C12orf54: variants seen among roughly 807,000 people sequenced by gnomAD.
The protein encoded by C12orf54 is uncharacterized protein C12orf54.
C12orf54 carries 24 observed loss-of-function variants against 26.4 expected under a neutral mutation model. The observed-to-expected ratio is 0.91, with a 90% CI of 0.66 to 1.28. C12orf54 has a LOEUF of 1.28. Among genes scored for constraint, C12orf54 ranks in the 50% most tolerant of loss-of-function variants. The pLI, the probability that C12orf54 is intolerant of heterozygous loss-of-function variation, is 0.00. For missense variants in C12orf54, 154 were observed against 150.9 expected, an observed-to-expected ratio of 1.02 and a Z score of -0.11; for synonymous variants, 54 against 47.0, an observed-to-expected ratio of 1.15 and a Z score of -0.61.
chr12:48,489,737 T>C (rs1290332848), intron 5 of C12orf54, among the ~76,000 whole-genome samples: 1 of 151,326 alleles, frequency 6.6e-6, no homozygotes, highest in East Asian at 1.9e-4. Context: ...TTTTTTTTTT[T>C]TTTTGAGACA....
the C12orf54 span, among the ~76,000 whole-genome samples, chr12:48,466,643 C>A: frequency 2.0e-5 from 3 of 151,786 alleles, no homozygotes; most frequent in Admixed American, 6.6e-5. Context: ...ACACTACACA[C>A]CTATTAGGAT....
the C12orf54 span, among the ~76,000 whole-genome samples, chr12:48,457,850 A>T: frequency 6.6e-6 from 1 of 152,162 alleles, no homozygotes; most frequent in Non-Finnish European, 1.5e-5. Flanking sequence ...CATTACCCAG[A>T]GGACGGGATG....
upstream of C12orf54, among the ~76,000 whole-genome samples, chr12:48,479,603 G>GC (rs561701554): frequency 0.066 from 9,674 of 145,636 alleles, 1,041 homozygotes; most frequent in African/African-American, 0.23. Context: ...GTTTTGTTTT[G>GC]TTTTTTTTTT....
At chr12:48,419,731 A>G in the C12orf54 span, among the ~76,000 whole-genome samples, 1 of 152,154 alleles carries the variant, frequency 6.6e-6, no homozygotes, top group South Asian at 2.1e-4. Flanking sequence ...GGCCAGAGAT[A>G]TCAAGGCTGA....
At chr12:48,492,524 C>T (rs1355014243) in intron 6 of C12orf54, among the ~76,000 whole-genome samples, 1 of 152,196 alleles carries the variant, frequency 6.6e-6, no homozygotes, top group Non-Finnish European at 1.5e-5. Flanking sequence ...GATCTAACAG[C>T]TGCTGCTGCT....
chr12:48,483,585 T>G, intron 2 of C12orf54: 1 of 499,510 alleles, frequency 2.0e-6, no homozygotes, highest in Non-Finnish European at 3.6e-6. Flanking sequence ...TCAATTGCAA[T>G]TCCTCTAGGG....
At chr12:48,424,832 T>C in the C12orf54 span, among the ~76,000 whole-genome samples, 1 of 152,154 alleles carries the variant, frequency 6.6e-6, no homozygotes, top group Admixed American at 6.6e-5. Flanking sequence ...ATGACTACCT[T>C]ATTTTGATTC....
At chr12:48,450,698 C>T in the C12orf54 span, among the ~76,000 whole-genome samples, 2 of 152,256 alleles carry the variant, frequency 1.3e-5, no homozygotes, top group Middle Eastern at 6.8e-3. Context: ...ATTATCAACA[C>T]CTCTATGCAC....
At chr12:48,475,472 A>G in the C12orf54 span, among the ~76,000 whole-genome samples, 1 of 152,194 alleles carries the variant, frequency 6.6e-6, no homozygotes, top group Non-Finnish European at 1.5e-5. Context: ...ACTTGAACCA[A>G]TGGCAAAGAA....
the C12orf54 span, among the ~76,000 whole-genome samples, chr12:48,425,552 C>A: frequency 0.33 from 50,385 of 151,938 alleles, 10,527 homozygotes; most frequent in Middle Eastern, 0.49. Context: ...GTGCATGTGT[C>A]TTTATGGTAG....
chr12:48,467,079 A>C, the C12orf54 span, among the ~76,000 whole-genome samples: 1 of 152,214 alleles, frequency 6.6e-6, no homozygotes. Context: ...AACTAAGTTA[A>C]GGATATCAAG....
the C12orf54 span, among the ~76,000 whole-genome samples, chr12:48,429,975 A>T: frequency 6.6e-6 from 1 of 152,152 alleles, no homozygotes; most frequent in Non-Finnish European, 1.5e-5. Flanking sequence ...GCACATAGAC[A>T]AATGGAACAG....
At chr12:48,456,825 C>A in the C12orf54 span, among the ~76,000 whole-genome samples, 9 of 152,048 alleles carry the variant, frequency 5.9e-5, no homozygotes, top group Non-Finnish European at 1.5e-5. Context: ...GCAGAATAAA[C>A]CACATTAAAT....
chr12:48,437,286 G>A, the C12orf54 span, among the ~76,000 whole-genome samples: 2 of 152,114 alleles, frequency 1.3e-5, no homozygotes, highest in African/African-American at 4.8e-5. Context: ...AAAAGTCCGG[G>A]ACCAGATGGA....
intron 2 of C12orf54, 53 bp from the exon 3 acceptor site, chr12:48,486,125 T>C (rs4620769): frequency 0.11 from 175,700 of 1,530,678 alleles, 21,572 homozygotes; most frequent in East Asian, 0.63. Context: ...AGGAGAAGGC[T>C]TTAGCCCACA....
the C12orf54 span, among the ~76,000 whole-genome samples, chr12:48,475,874 C>A: frequency 6.6e-6 from 1 of 152,084 alleles, no homozygotes; most frequent in Non-Finnish European, 1.5e-5. Context: ...GGCCAACATT[C>A]AGATTCAGGA....
the C12orf54 span, among the ~76,000 whole-genome samples, chr12:48,423,446 A>C: frequency 6.6e-6 from 1 of 152,124 alleles, no homozygotes; most frequent in Non-Finnish European, 1.5e-5. Context: ...GATTAAGTAT[A>C]GGCAAACTAC....
At chr12:48,416,489 C>G in the C12orf54 span, among the ~76,000 whole-genome samples, 2 of 152,154 alleles carry the variant, frequency 1.3e-5, no homozygotes, top group African/African-American at 4.8e-5. Flanking sequence ...CAAACAACAC[C>G]TACCCCTCCA....
At chr12:48,495,782 T>A (rs2137101360) in intron 8 of C12orf54, among the ~76,000 whole-genome samples, 1 of 152,342 alleles carries the variant, frequency 6.6e-6, no homozygotes, top group Non-Finnish European at 1.5e-5. Flanking sequence ...AAATATTTTA[T>A]CCTGTTTCCC....
Sources: allele counts gnomAD v4.1 joint callset (sites outside exome capture counted in the v4.1 genomes callset), GRCh38; gene constraint gnomAD v4.1.1; transcripts MANE v1.5; gene names NCBI Gene and HGNC (gene_info 2026-07-23, HGNC 2026-07-21).